SCHIP1: variants seen among roughly 807,000 people sequenced by gnomAD.
SCHIP1 encodes the protein schwannomin interacting protein 1, also known as schwannomin-interacting protein 1.
SCHIP1 carries 8 observed loss-of-function variants against 29.7 expected under a neutral mutation model. That is an observed-to-expected ratio of 0.27 (90% CI 0.16 to 0.49). The LOEUF (loss-of-function observed/expected upper bound fraction) is 0.49, where lower values mean the gene tolerates loss of function less well. Among genes scored for constraint, SCHIP1 ranks in the 20% least tolerant of loss-of-function variants. SCHIP1 has a pLI of 0.99. For missense variants in SCHIP1, 193 were observed against 294.6 expected (o/e 0.66, Z 2.52); for synonymous variants, 76 against 94.9 (o/e 0.80, Z 1.16).
the SCHIP1 span, among the ~76,000 whole-genome samples, chr3:159,600,805 T>G: frequency 1.3e-5 from 2 of 152,248 alleles, no homozygotes; most frequent in African/African-American, 4.8e-5. Flanking sequence ...ACATCTCCTA[T>G]TTCTGAATTT....
At chr3:159,374,368 C>T in the SCHIP1 span, among the ~76,000 whole-genome samples, 1 of 152,082 alleles carries the variant, frequency 6.6e-6, no homozygotes, top group Non-Finnish European at 1.5e-5. Context: ...TAACAGAAAA[C>T]ACTTACTTAA....
the SCHIP1 span, among the ~76,000 whole-genome samples, chr3:159,795,431 C>T: frequency 6.6e-6 from 1 of 152,290 alleles, no homozygotes; most frequent in Non-Finnish European, 1.5e-5. Context: ...AGGATAGTAC[C>T]AACAGGTGAA....
chr3:159,442,621 AACTATCT>A, the SCHIP1 span, among the ~76,000 whole-genome samples: 1 of 152,126 alleles, frequency 6.6e-6, no homozygotes, highest in African/African-American at 2.4e-5. Context: ...CGTCTTTAGA[AACTATCT>A]ACACTTTCAG....
chr3:159,733,293 A>C, the SCHIP1 span, among the ~76,000 whole-genome samples: 4 of 152,252 alleles, frequency 2.6e-5, no homozygotes, highest in Non-Finnish European at 5.9e-5. Context: ...ACTTTTTAAT[A>C]GCTAAAGATT....
At chr3:159,308,214 A>G in the SCHIP1 span, among the ~76,000 whole-genome samples, 2 of 152,130 alleles carry the variant, frequency 1.3e-5, no homozygotes, top group African/African-American at 4.8e-5. Flanking sequence ...TGAGCATGGC[A>G]TGTCTTTCCA....
the SCHIP1 span, among the ~76,000 whole-genome samples, chr3:159,724,147 T>C: frequency 1.3e-5 from 2 of 152,360 alleles, no homozygotes; most frequent in Admixed American, 1.3e-4. Context: ...TAATATTTTC[T>C]ATAGGGATTG....
the SCHIP1 span, among the ~76,000 whole-genome samples, chr3:159,591,462 T>C: frequency 2.6e-4 from 39 of 152,284 alleles, no homozygotes; most frequent in African/African-American, 8.7e-4. Flanking sequence ...TAAAGACACA[T>C]GCACACATAT....
At chr3:159,709,445 A>C in the SCHIP1 span, among the ~76,000 whole-genome samples, 764 of 152,218 alleles carry the variant, frequency 5.0e-3, 8 homozygotes, top group African/African-American at 0.018. Context: ...ATATTTAATA[A>C]AAAAAGGAAA....
chr3:159,828,396 C>T, the SCHIP1 span, among the ~76,000 whole-genome samples: 19,771 of 58,686 alleles, frequency 0.34, 3,852 homozygotes, highest in African/African-American at 0.61. Context: ...TACATATATA[C>T]GTATATATAT....
the SCHIP1 span, among the ~76,000 whole-genome samples, chr3:159,415,401 A>G: frequency 5.3e-5 from 8 of 152,176 alleles, no homozygotes; most frequent in Non-Finnish European, 1.2e-4. Context: ...TTACCCAGGT[A>G]TTAAGCCTAG....
At chr3:159,563,021 G>A in the SCHIP1 span, among the ~76,000 whole-genome samples, 1 of 152,140 alleles carries the variant, frequency 6.6e-6, no homozygotes, top group African/African-American at 2.4e-5. Context: ...AAGGGTGGGG[G>A]TTATAACTGT....
the SCHIP1 span, among the ~76,000 whole-genome samples, chr3:159,631,918 C>T: frequency 1.1e-4 from 17 of 152,128 alleles, no homozygotes; most frequent in Middle Eastern, 6.8e-3. Flanking sequence ...TATGCACCCC[C>T]CACCTCATCT....
At chr3:159,312,506 T>C in the SCHIP1 span, among the ~76,000 whole-genome samples, 1 of 152,068 alleles carries the variant, frequency 6.6e-6, no homozygotes, top group African/African-American at 2.4e-5. Context: ...CCCACATAGG[T>C]CCAAAACTCA....
the SCHIP1 span, among the ~76,000 whole-genome samples, chr3:159,473,280 T>TA: frequency 0.014 from 2,101 of 152,152 alleles, 49 homozygotes; most frequent in African/African-American, 0.048. Context: ...ATAAAAATTA[T>TA]AAAATAGCCC....
At chr3:159,855,846 CA>C (rs1713286810) in intron 1 of SCHIP1, among the ~76,000 whole-genome samples, 1 of 152,094 alleles carries the variant, frequency 6.6e-6, no homozygotes, top group Non-Finnish European at 1.5e-5. Flanking sequence ...AAACAGCCTT[CA>C]GGGGGAAAGG....
chr3:159,815,146 A>T, the SCHIP1 span, among the ~76,000 whole-genome samples: 1 of 152,178 alleles, frequency 6.6e-6, no homozygotes, highest in Non-Finnish European at 1.5e-5. Flanking sequence ...CCCATAATGG[A>T]CAGTTAACAA....
At position 159,878,516 on chromosome 3, in the gene SCHIP1, C is replaced by T. The variant is rs368692313; in HGVS notation, c.150-7691C>T. 4.0e-5 allele frequency among the ~76,000 whole-genome samples: 6 copies of T among 149,542 alleles called. No individual in the cohort carries two copies. In the East Asian group the frequency reaches 6.0e-4, roughly 15 times the overall value. Reference sequence around the variant, plus strand: ...AAAATAGGCCGGGCGCGGTGGCTCACGCCTGTAATCCCAGCACTTTGGGAG... The same window carrying T: ...AAAATAGGCCGGGCGCGGTGGCTCATGCCTGTAATCCCAGCACTTTGGGAG... On this transcript the variant is annotated intron_variant, in intron 2 of 6. Coordinates refer to ENST00000445224, the Ensembl canonical transcript of SCHIP1.
chr3:159,387,674 A>G, the SCHIP1 span, among the ~76,000 whole-genome samples: 1 of 152,152 alleles, frequency 6.6e-6, no homozygotes, highest in African/African-American at 2.4e-5. Flanking sequence ...TGACTATACA[A>G]CTCTGCCATT....
the SCHIP1 span, among the ~76,000 whole-genome samples, chr3:159,612,748 G>A: frequency 9.0e-4 from 137 of 152,246 alleles, no homozygotes; most frequent in South Asian, 0.012. Flanking sequence ...ACTGTGTCTC[G>A]ACACTAAAAA....
Sources: gnomAD v4.1 joint callset for allele counts (sites outside exome capture counted in the v4.1 genomes callset) on GRCh38, gnomAD v4.1.1 for gene constraint, MANE v1.5 for transcripts, NCBI Gene and HGNC (gene_info 2026-07-23, HGNC 2026-07-21) for gene names.